The following OR9Q1 variants were observed in gnomAD, a reference collection of about 807,000 sequenced individuals.
The protein encoded by OR9Q1 is olfactory receptor family 9 subfamily Q member 1.
For synonymous variants in OR9Q1, 153 were observed against 148.6 expected, an observed-to-expected ratio of 1.03 and a Z score of -0.22; for missense variants, 374 against 378.8, an observed-to-expected ratio of 0.99 and a Z score of 0.11.
intron 2 of OR9Q1, among the ~76,000 whole-genome samples, chr11:58,065,378 C>T (rs1853418994): frequency 1.1e-4 from 2 of 17,616 alleles, no homozygotes; most frequent in African/African-American, 4.2e-4. Context: ...ACACACAGCA[C>T]ATGCCTTTGA....
At chr11:58,083,618 TC>T (rs1255498980) in intron 2 of OR9Q1, among the ~76,000 whole-genome samples, 2 of 149,552 alleles carry the variant, frequency 1.3e-5, no homozygotes, top group African/African-American at 5.1e-5. Context: ...CTTTAATCCA[TC>T]TTGAGTTAAT....
intron 2 of OR9Q1, among the ~76,000 whole-genome samples, chr11:58,083,381 A>G (rs547371199): frequency 3.0e-4 from 45 of 151,874 alleles, no homozygotes; most frequent in African/African-American, 1.0e-3. Context: ...TTGTCGATGT[A>G]TATTTGTGAG....
At chr11:58,134,426 G>T (rs986837599) in intron 2 of OR9Q1, among the ~76,000 whole-genome samples, 3 of 152,132 alleles carry the variant, frequency 2.0e-5, no homozygotes, top group Non-Finnish European at 4.4e-5. Context: ...CCTCATCTCA[G>T]GGACTCTCTT....
chr11:58,111,922 T>TA (rs1473272036), intron 2 of OR9Q1, among the ~76,000 whole-genome samples: 5 of 152,312 alleles, frequency 3.3e-5, no homozygotes, highest in African/African-American at 1.2e-4. Flanking sequence ...GTATGTAATC[T>TA]ATGCTTCAGG....
intron 2 of OR9Q1, among the ~76,000 whole-genome samples, chr11:58,168,722 C>G (rs947499227): frequency 3.9e-5 from 6 of 151,958 alleles, no homozygotes; most frequent in African/African-American, 1.2e-4. Context: ...TTACTTTCTA[C>G]TAAAAATTTT....
intron 2 of OR9Q1, chr11:58,118,960 C>A (rs962094527): frequency 2.5e-6 from 4 of 1,613,758 alleles, no homozygotes; most frequent in Non-Finnish European, 3.4e-6. Flanking sequence ...GGTGAAGGTG[C>A]AAGTGGTACG....
chr11:58,033,054 G>A (rs1321358067), intron 1 of OR9Q1, among the ~76,000 whole-genome samples: 3 of 152,162 alleles, frequency 2.0e-5, no homozygotes, highest in Non-Finnish European at 4.4e-5. Context: ...AACATAATGA[G>A]ATATCATCTC....
At chr11:58,030,790 C>T in intron 1 of OR9Q1, 1 of 614,722 alleles carries the variant, frequency 1.6e-6, no homozygotes, top group South Asian at 2.1e-5. Context: ...TCTCATGTCC[C>T]TCATGAACTG....
chr11:58,066,745 G>T (rs1173000473), intron 2 of OR9Q1, among the ~76,000 whole-genome samples: 1 of 152,166 alleles, frequency 6.6e-6, no homozygotes, highest in African/African-American at 2.4e-5. Flanking sequence ...CTGCACCAGG[G>T]TCTGTGTTTA....
intron 2 of OR9Q1, among the ~76,000 whole-genome samples, chr11:58,067,826 C>A (rs1329373945): frequency 2.0e-5 from 3 of 152,240 alleles, no homozygotes; most frequent in African/African-American, 7.2e-5. Flanking sequence ...TGCCCCAGAC[C>A]TGCACTGACT....
chr11:58,158,488 C>T (rs990569387), intron 2 of OR9Q1, among the ~76,000 whole-genome samples: 4 of 148,434 alleles, frequency 2.7e-5, no homozygotes, highest in Non-Finnish European at 5.9e-5. Flanking sequence ...GGCTATTAGT[C>T]CTAATCATGT....
At chr11:58,115,015 C>A (rs573286570) in intron 2 of OR9Q1, among the ~76,000 whole-genome samples, 2 of 152,126 alleles carry the variant, frequency 1.3e-5, no homozygotes, top group Non-Finnish European at 2.9e-5. Context: ...CTATTCTGTG[C>A]GGAGCCTTAA....
At chr11:58,179,012 A>AGAGAGAGAGAGAGAGAG (rs1854633335) in intron 2 of OR9Q1, among the ~76,000 whole-genome samples, 2 of 132,454 alleles carry the variant, frequency 1.5e-5, no homozygotes, top group East Asian at 2.2e-4. Flanking sequence ...GAAAGAAAGA[A>AGAGAGAGAGAGAGAGAG]AGAGAGAGAG....
Position 58,066,217 on chromosome 11 carries a change from C to T in OR9Q1, c.-15+10270C>T, listed in dbSNP as rs531124922. ...GGAACTTGACTTCTGTCTGGTCCAG[C>T]GCTGTGTGTAAGGGGTCGCAGCCCG... On this transcript the variant is annotated intron_variant, in intron 2 of 2. Transcript: ENST00000335397. Among the ~76,000 whole-genome samples the T allele has an allele frequency of 3.0e-4, 46 of 152,184 alleles. No homozygotes were observed. In the South Asian group the frequency reaches 7.1e-3, roughly 23 times the overall value.
chr11:58,097,442 T>A (rs1853742742), intron 2 of OR9Q1, among the ~76,000 whole-genome samples: 1 of 152,242 alleles, frequency 6.6e-6, no homozygotes, highest in African/African-American at 2.4e-5. Context: ...CATACAATTT[T>A]ATATGGACCA....
intron 2 of OR9Q1, among the ~76,000 whole-genome samples, chr11:58,098,412 A>G (rs1194942732): frequency 6.6e-6 from 1 of 152,202 alleles, no homozygotes; most frequent in African/African-American, 2.4e-5. Flanking sequence ...ATATTTTATG[A>G]TATCAATAGA....
chr11:58,104,438 A>G lies in OR9Q1; in HGVS notation c.-15+48491A>G, dbSNP rs113315781. 4.1e-3 allele frequency among the ~76,000 whole-genome samples: 622 copies of G among 152,124 alleles called. 8 individuals are homozygous for G. The highest frequency in any genetic ancestry group is 0.014 in the African/African-American group (585 of 41,494). ...TGCTTTTTCCCAAATCTTCTCCAGT[A>G]CCATCTGAGGTATCCAAAAATAAGT... On this transcript the variant is annotated intron_variant, in intron 2 of 2. Coordinates refer to ENST00000335397, the MANE Select transcript of OR9Q1 (RefSeq NM_001005212.4).
chr11:58,140,962 T>C (rs1854242551), intron 2 of OR9Q1, among the ~76,000 whole-genome samples: 1 of 152,196 alleles, frequency 6.6e-6, no homozygotes, highest in Admixed American at 6.5e-5. Context: ...TTTTATTTCA[T>C]TGAGTAGTGG....
intron 2 of OR9Q1, chr11:58,118,990 C>A (rs1477678687): frequency 6.2e-7 from 1 of 1,613,744 alleles, no homozygotes; most frequent in Non-Finnish European, 8.5e-7. Context: ...TCCTGACACC[C>A]CACAGACATA....
Sources: allele counts gnomAD v4.1 joint callset (sites outside exome capture counted in the v4.1 genomes callset), GRCh38; gene constraint gnomAD v4.1.1; transcripts MANE v1.5; gene names NCBI Gene and HGNC (gene_info 2026-07-23, HGNC 2026-07-21).